Variants in PODXL observed in about 807,000 individuals in gnomAD.
The protein encoded by PODXL is podocalyxin.
Under a neutral mutation model 48.9 loss-of-function variants are expected in PODXL, and 20 were observed. The observed-to-expected ratio is 0.41, with a 90% CI of 0.29 to 0.59. The LOEUF (loss-of-function observed/expected upper bound fraction) is 0.59, where lower values mean the gene tolerates loss of function less well. Among genes scored for constraint, PODXL ranks in the 20% least tolerant of loss-of-function variants. The pLI is 0.31. For missense variants in PODXL, 606 were observed against 675.1 expected (o/e 0.90, Z 1.13); for synonymous variants, 295 against 287.4 (o/e 1.03, Z -0.27).
chr7:131,539,463 T>C (rs966929447), intron 1 of PODXL, among the ~76,000 whole-genome samples: 1 of 152,150 alleles, frequency 6.6e-6, no homozygotes, highest in African/African-American at 2.4e-5. Context: ...CCTGGGTAGC[T>C]GGGATTACAG....
Position 131,553,262 on chromosome 7 carries a change from T to G in PODXL, c.100+2998A>C, listed in dbSNP as rs1315592071. 2.0e-5 allele frequency among the ~76,000 whole-genome samples: 3 copies of G among 152,198 alleles called. No homozygotes were observed. The South Asian group carries it at 6.2e-4, about 31-fold the overall frequency. Reference sequence around the variant, plus strand: ...CTGACCCTTTTAATTTTAAAATCCCTATGTGAAAACCCCACCTCCTTCAGG... The same window carrying G: ...CTGACCCTTTTAATTTTAAAATCCCGATGTGAAAACCCCACCTCCTTCAGG... On this transcript the variant is annotated intron_variant, in intron 1 of 8. Coordinates refer to ENST00000378555, the MANE Select transcript of PODXL (RefSeq NM_001018111.3).
At position 131,509,513 on chromosome 7, in the gene PODXL, G is replaced by A. The variant is rs745792491; in HGVS notation, c.875C>T (p.Ser292Phe). The A allele has an allele frequency of 6.2e-7, 1 of 1,611,394 alleles. No individual in the cohort carries two copies. The highest frequency in any genetic ancestry group is 1.1e-5 in the South Asian group (1 of 90,962). Residue 292 changes from serine to phenylalanine, a missense_variant, in exon 4 of 9, where the codon TCC (serine) becomes TTC (phenylalanine). Transcript: ENST00000378555. ...GCTCGTGGGCTGCACTGTCTCCTGGGAGGAAGGGGCCGTAGAGCTGGCTGG... is the reference window on the plus strand; with the variant it reads ...GCTCGTGGGCTGCACTGTCTCCTGGAAGGAAGGGGCCGTAGAGCTGGCTGG... Reference protein sequence around the residue: ...QMPASSTAPSSQETVQPTSPA... With the variant: ...QMPASSTAPSFQETVQPTSPA...
intron 1 of PODXL, among the ~76,000 whole-genome samples, chr7:131,516,263 G>A (rs1233337168): frequency 4.6e-5 from 7 of 152,322 alleles, no homozygotes; most frequent in Non-Finnish European, 1.0e-4. Context: ...AGTCTTGGCT[G>A]GGCACGGTGG....
intron 1 of PODXL, 69 bp downstream of exon 1, chr7:131,556,191 G>A: frequency 7.3e-7 from 1 of 1,371,090 alleles, no homozygotes; most frequent in Non-Finnish European, 9.4e-7. Context: ...GGGCTTCCCT[G>A]CAGCTCGGCC....
chr7:131,544,860 T>C (rs537648084), intron 1 of PODXL, among the ~76,000 whole-genome samples: 76 of 152,246 alleles, frequency 5.0e-4, no homozygotes, highest in Non-Finnish European at 4.4e-4. Context: ...CCAGGAACAA[T>C]GACAGCATGA....
Position 131,511,445 on chromosome 7 carries a change from G to T in PODXL, c.101-12C>A. On this transcript the variant is annotated splice_polypyrimidine_tract_variant and intron_variant, in intron 1 of 8. Transcript: ENST00000378555. Reference sequence around the variant, plus strand: ...AGTAGTCTGGGTTGCTGTTTGTAAAGATAACAGAGAATGGAGTTAGGGCTG... The same window carrying T: ...AGTAGTCTGGGTTGCTGTTTGTAAATATAACAGAGAATGGAGTTAGGGCTG... 6.3e-7 allele frequency: 1 copy of T among 1,599,626 alleles called. No homozygotes were observed. The highest frequency in any genetic ancestry group is 1.3e-5 in the African/African-American group (1 of 75,030).
intron 1 of PODXL, among the ~76,000 whole-genome samples, chr7:131,516,991 A>G (rs1300463308): frequency 2.0e-5 from 3 of 152,094 alleles, no homozygotes; most frequent in Admixed American, 6.5e-5. Context: ...AATTGCTGGG[A>G]TTACAGGTGC....
Position 131,504,036 on chromosome 7 carries a change from A to G in PODXL, c.*275T>C. 2 of 490,388 alleles carry G rather than the reference A, an allele frequency of 4.1e-6. No individual in the cohort carries two copies. Among genetic ancestry groups the G allele is most frequent in the Non-Finnish European group, 3.7e-6 (1 of 270,998 alleles). 30.4% of individuals were successfully genotyped at this position (490,388 alleles called of 1,614,324 possible). A position where few individuals can be genotyped will look rare whatever the true frequency, so the allele number is the denominator to read the frequency against. On this transcript the variant is annotated 3_prime_UTR_variant, in exon 9 of 9. Coordinates refer to ENST00000378555, the MANE Select transcript of PODXL (RefSeq NM_001018111.3). Reference sequence around the variant, plus strand: ...CAGAATGAAGGGATTCCACTAGTTCATCTATAAAGTCCCTTACGTGGCTTT... The same window carrying G: ...CAGAATGAAGGGATTCCACTAGTTCGTCTATAAAGTCCCTTACGTGGCTTT...
intron 1 of PODXL, among the ~76,000 whole-genome samples, chr7:131,512,533 C>T (rs1027020652): frequency 1.3e-5 from 2 of 152,050 alleles, no homozygotes; most frequent in African/African-American, 4.8e-5. Flanking sequence ...TGCAAAGCCC[C>T]CGAGTAGGGA....
chr7:131,509,321 C>G (rs1460489618), intron 4 of PODXL, 44 bp downstream of exon 4: 2 of 1,462,240 alleles, frequency 1.4e-6, no homozygotes, highest in Admixed American at 3.4e-5. Context: ...CCTCTTCTAC[C>G]CGAGTCTGGG....
Position 131,556,566 on chromosome 7 carries a change from G to A in PODXL, c.-207C>T. On this transcript the variant is annotated 5_prime_UTR_variant, in exon 1 of 9. Coordinates refer to ENST00000378555, the MANE Select transcript of PODXL (RefSeq NM_001018111.3). ...GCCGGGCTGGGGCGCAGAGCCAGTG[G>A]CAGAGGAGCGGCGGCGGCGGCGGCT... 2.0e-6 allele frequency: 1 copy of A among 500,528 alleles called. No individual in the cohort carries two copies. The highest frequency in any genetic ancestry group is 3.0e-6 in the Non-Finnish European group (1 of 331,492). The allele number at this position is 500,528 out of a possible 1,614,324, so 31.0% of individuals were successfully genotyped here.
rs2116880781 is a variant in PODXL, at chr7:131,556,277, G to GGCGACA, written c.82_83insTGTCGC (p.Ser27_Pro28insLeuSer). ...CCACTCACCATTCTGGGAGGGCGAC[G>GGCGACA]GCGACGGCGACGGCGACGACGGCAG... On this transcript the variant is annotated inframe_insertion, in exon 1 of 9. Coordinates refer to ENST00000378555, the MANE Select transcript of PODXL (RefSeq NM_001018111.3). The GGCGACA allele has an allele frequency of 1.7e-5, 24 of 1,384,714 alleles. No individual in the cohort carries two copies. Among genetic ancestry groups the GGCGACA allele is most frequent in the Non-Finnish European group, 2.2e-5 (24 of 1,083,572 alleles). 85.8% of individuals were successfully genotyped at this position (1,384,714 alleles called of 1,614,324 possible).
At chr7:131,514,548 T>C (rs2116799491) in intron 1 of PODXL, among the ~76,000 whole-genome samples, 1 of 152,142 alleles carries the variant, frequency 6.6e-6, no homozygotes, top group Admixed American at 6.6e-5. Flanking sequence ...AGATACTAGA[T>C]TGCTAAGGGA....
At chr7:131,548,725 C>A (rs986740058) in intron 1 of PODXL, among the ~76,000 whole-genome samples, 4 of 152,174 alleles carry the variant, frequency 2.6e-5, no homozygotes, top group Admixed American at 1.3e-4. Flanking sequence ...AAACACAAGC[C>A]CCAATCCTCA....
At chr7:131,547,292 G>C (rs907779137) in intron 1 of PODXL, among the ~76,000 whole-genome samples, 1 of 142,252 alleles carries the variant, frequency 7.0e-6, no homozygotes, top group Non-Finnish European at 1.5e-5. Context: ...AGAATCACTT[G>C]AACCCGGGAG....
chr7:131,508,888 C>T, intron 5 of PODXL, 63 bp downstream of exon 5: 10 of 1,130,650 alleles, frequency 8.8e-6, no homozygotes, highest in Non-Finnish European at 1.4e-5. Flanking sequence ...CATACATTCC[C>T]TCTCCCTCCC....
chr7:131,539,589 G>T lies in PODXL; in HGVS notation c.100+16671C>A, dbSNP rs542288705. 2.6e-5 allele frequency among the ~76,000 whole-genome samples: 4 copies of T among 152,338 alleles called. No homozygotes were observed. The South Asian group carries it at 8.3e-4, about 32-fold the overall frequency. ...CGTGATCAGCCTCCCAAAGTGCTGG[G>T]ATTACAGGCGTGAGCCACCACGCCC... On this transcript the variant is annotated intron_variant, in intron 1 of 8. Coordinates refer to ENST00000378555, the MANE Select transcript of PODXL (RefSeq NM_001018111.3).
chr7:131,509,741 C>G (rs1014413003), intron 3 of PODXL, among the ~76,000 whole-genome samples, 156 bp from the exon 4 acceptor site: 4 of 152,040 alleles, frequency 2.6e-5, no homozygotes, highest in Non-Finnish European at 5.9e-5. Flanking sequence ...AGTGGAATAA[C>G]CCGGCAAAGT....
intron 1 of PODXL, among the ~76,000 whole-genome samples, chr7:131,512,508 A>C (rs1797930437): frequency 1.3e-5 from 2 of 152,214 alleles, no homozygotes; most frequent in Non-Finnish European, 2.9e-5. Context: ...TGTCCCCAGC[A>C]GAAGGAACAG....
Sources: allele counts gnomAD v4.1 joint callset (sites outside exome capture counted in the v4.1 genomes callset), GRCh38; gene constraint gnomAD v4.1.1; transcripts MANE v1.5; gene names NCBI Gene and HGNC (gene_info 2026-07-23, HGNC 2026-07-21).